The following C14orf93 variants were observed in gnomAD, a reference collection of about 807,000 sequenced individuals.
C14orf93 encodes the protein uncharacterized protein C14orf93.
Under a neutral mutation model 44.0 loss-of-function variants are expected in C14orf93, and 23 were observed. The observed-to-expected ratio is 0.52, with a 90% CI of 0.38 to 0.74. The LOEUF (loss-of-function observed/expected upper bound fraction) is 0.74, where lower values mean the gene tolerates loss of function less well. Ranked by LOEUF, C14orf93 falls within the 30% of genes least tolerant of loss-of-function variation. C14orf93 has a pLI of 0.00. For missense variants in C14orf93, 579 were observed against 678.9 expected (o/e 0.85, Z 1.64); for synonymous variants, 253 against 265.7 (o/e 0.95, Z 0.46).
intron 3 of C14orf93, among the ~76,000 whole-genome samples, chr14:22,990,850 G>A (rs1298304419): frequency 4.2e-5 from 6 of 141,582 alleles, no homozygotes; most frequent in Non-Finnish European, 7.6e-5. Context: ...ACGGAGTCTC[G>A]TTATGTCGCC....
At chr14:23,001,524 G>A (rs900187453) in intron 1 of C14orf93, among the ~76,000 whole-genome samples, 14 of 152,154 alleles carry the variant, frequency 9.2e-5, no homozygotes, top group Non-Finnish European at 1.2e-4. Context: ...GAGTGCAATG[G>A]CAAGATCTCG....
chr14:23,009,998 T>G (rs2046797081), intron 1 of C14orf93, 103 bp downstream of exon 1: 1 of 152,080 alleles, frequency 6.6e-6, no homozygotes, highest in East Asian at 1.9e-4. Flanking sequence ...CAAATTCCCC[T>G]TAGCAACAGT....
chr14:22,995,990 A>G lies in C14orf93; in HGVS notation c.876T>C (p.Ser292=). 1 of 1,609,876 alleles carries G rather than the reference A, an allele frequency of 6.2e-7. No homozygotes were observed. Among genetic ancestry groups the G allele is most frequent in the Non-Finnish European group, 8.5e-7 (1 of 1,177,274 alleles). The change falls in exon 3 of 7, where the codon AGT becomes AGC. Residue 292 remains serine (S), a synonymous_variant. Transcript: ENST00000299088. Reference sequence around the variant, plus strand: ...GCTTGCGCCTGGAGTTCTTCTGCCCACTTCCTCTGGTCCTGCATGGGGAAA... The same window carrying G: ...GCTTGCGCCTGGAGTTCTTCTGCCCGCTTCCTCTGGTCCTGCATGGGGAAA... The part of the protein sequence containing the change: ...LTVSPCRTRG[S]GQKNSRRKRD...
At chr14:23,003,747 G>A (rs1293725585) in intron 1 of C14orf93, among the ~76,000 whole-genome samples, 1 of 149,036 alleles carries the variant, frequency 6.7e-6, no homozygotes, top group Non-Finnish European at 1.5e-5. Flanking sequence ...GTTGCAGTGA[G>A]CCAAGATCAC....
intron 1 of C14orf93, among the ~76,000 whole-genome samples, chr14:23,008,362 G>A (rs2046740039): frequency 6.6e-6 from 1 of 152,118 alleles, no homozygotes; most frequent in Non-Finnish European, 1.5e-5. Context: ...AGCCCAAACA[G>A]GGCCACTTTT....
At chr14:23,000,387 C>A (rs562718443) in intron 1 of C14orf93, among the ~76,000 whole-genome samples, 87 of 152,252 alleles carry the variant, frequency 5.7e-4, no homozygotes, top group African/African-American at 2.1e-3. Flanking sequence ...AGATGCATTT[C>A]TCTCTTACCC....
chr14:22,995,846 A>T, intron 3 of C14orf93, 102 bp downstream of exon 3: 1 of 1,130,582 alleles, frequency 8.8e-7, no homozygotes, highest in Non-Finnish European at 1.2e-6. Flanking sequence ...AGGATTCAGT[A>T]CAGCATTCAT....
intron 3 of C14orf93, among the ~76,000 whole-genome samples, chr14:22,994,931 G>A (rs73596459): frequency 0.01 from 1,533 of 152,000 alleles, 23 homozygotes; most frequent in African/African-American, 0.035. Flanking sequence ...CCCTGCCCCC[G>A]GCCACCCACC....
In C14orf93 at chr14:23,000,358, T is replaced by C. The variant is rs146321706; in HGVS notation, c.-379-956A>G. 2.4e-3 allele frequency among the ~76,000 whole-genome samples: 367 copies of C among 152,312 alleles called. 1 individual carries two copies. The highest frequency in any genetic ancestry group is 8.4e-3 in the African/African-American group (349 of 41,560). On this transcript the variant is annotated intron_variant, in intron 1 of 6. Coordinates refer to ENST00000299088, the MANE Select transcript of C14orf93 (RefSeq NM_021944.4). ...ATGTGCCATGTCAAAACCTTAAGTA[T>C]GTTTACAATTTCTCTGAGAGATGCA...
rs946762092 is a variant in C14orf93 at position 22,990,249 on chromosome 14, C to T, written c.919-122G>A. ...CTCTCTGCCTGAATCCTTTCTAAGC[C>T]AAGAGCCTATCCAAGTTACTATTTC... On this transcript the variant is annotated intron_variant, in intron 3 of 6. Coordinates refer to ENST00000299088, the MANE Select transcript of C14orf93 (RefSeq NM_021944.4). 2.0e-5 allele frequency: 15 copies of T among 754,044 alleles called. No homozygotes were observed. The African/African-American group carries it at 2.1e-4, about 11-fold the overall frequency. The allele number at this position is 754,044 out of a possible 1,614,324, so 46.7% of individuals were successfully genotyped here. A position where few individuals can be genotyped will look rare whatever the true frequency, so the allele number is the denominator to read the frequency against.
Position 23,002,340 on chromosome 14 carries a change from T to C in C14orf93, c.-379-2938A>G, listed in dbSNP as rs377753309. On this transcript the variant is annotated intron_variant, in intron 1 of 6. Transcript: ENST00000299088. ...GGTGATACTTGTCTGTAATCCCAGC[T>C]ACTCAGGAGGCTGAGGGAGAAGAAT... is the stretch of plus-strand genomic sequence containing the variant. 6.0e-5 allele frequency among the ~76,000 whole-genome samples: 9 copies of C among 150,410 alleles called. 1 individual carries two copies. Among genetic ancestry groups the C allele is most frequent in the Admixed American group, 6.7e-5 (1 of 14,956 alleles).
At chr14:23,005,652 G>A (rs2046587419) in intron 1 of C14orf93, 1 of 152,158 alleles carries the variant, frequency 6.6e-6, no homozygotes, top group African/African-American at 2.4e-5. Flanking sequence ...GACAGTAGAT[G>A]TCACACTTAG....
At chr14:22,994,349 C>T (rs2045842362) in intron 3 of C14orf93, among the ~76,000 whole-genome samples, 1 of 152,050 alleles carries the variant, frequency 6.6e-6, no homozygotes, top group Non-Finnish European at 1.5e-5. Context: ...CCCATCTCTA[C>T]TAAAATACAA....
At chr14:23,000,963 C>T (rs1018993081) in intron 1 of C14orf93, 6 of 152,150 alleles carry the variant, frequency 3.9e-5, no homozygotes, top group Admixed American at 2.0e-4. Context: ...ACTTACTTCT[C>T]GCAAAAGCTT....
At chr14:23,000,495 C>T (rs1481562879) in intron 1 of C14orf93, among the ~76,000 whole-genome samples, 1 of 152,066 alleles carries the variant, frequency 6.6e-6, no homozygotes, top group Non-Finnish European at 1.5e-5. Flanking sequence ...GTGGGCCGAT[C>T]ACCTGAGGTC....
chr14:22,987,807 T>C lies in C14orf93; in HGVS notation c.1197+96A>G. The C allele has an allele frequency of 2.4e-6, 3 of 1,243,894 alleles. No homozygotes were observed. Among genetic ancestry groups the C allele is most frequent in the Non-Finnish European group, 2.3e-6 (2 of 877,066 alleles). 77.1% of individuals were successfully genotyped at this position (1,243,894 alleles called of 1,614,324 possible). A position where few individuals can be genotyped will look rare whatever the true frequency, so the allele number is the denominator to read the frequency against. On this transcript the variant is annotated intron_variant, in intron 6 of 6. Coordinates refer to ENST00000299088, the MANE Select transcript of C14orf93 (RefSeq NM_021944.4). This position sits in a 1 kb window ranked among gnomAD's most constrained non-coding sequence, Gnocchi z 5.6. ...TTCTCTATCTTCCTACATTCCTGGC[T>C]CTCAACCCTATTCTCATATGCCATG...
intron 1 of C14orf93, among the ~76,000 whole-genome samples, chr14:23,004,008 C>G (rs1351539616): frequency 7.4e-6 from 1 of 134,400 alleles, no homozygotes; most frequent in Non-Finnish European, 1.6e-5. Context: ...CTCCCAGGTT[C>G]AAGCAATTCT....
In C14orf93 at chr14:22,987,371, G is replaced by A. The variant is rs1760687887; in HGVS notation, c.1461C>T (p.Leu487=). 6.2e-7 allele frequency: 1 copy of A among 1,614,120 alleles called. No homozygotes were observed. Among genetic ancestry groups the A allele is most frequent in the South Asian group, 1.1e-5 (1 of 91,094 alleles). The part of the protein sequence containing the change: ...SDRLPSAEAQ[L]LPPELYNPNF... Reference sequence around the variant, plus strand: ...TAGGATTGTAAAGTTCTGGTGGAAGGAGCTGGGCTTCAGCAGAAGGCAGTC... The same window carrying A: ...TAGGATTGTAAAGTTCTGGTGGAAGAAGCTGGGCTTCAGCAGAAGGCAGTC... Residue 487 remains leucine (L), a synonymous_variant, in exon 7 of 7, where the codon CTC becomes CTT. Transcript: ENST00000299088. This position sits in a 1 kb window ranked among gnomAD's most constrained non-coding sequence, Gnocchi z 5.6.
chr14:22,990,397 C>T (rs2045525821), intron 3 of C14orf93, among the ~76,000 whole-genome samples: 1 of 152,136 alleles, frequency 6.6e-6, no homozygotes, highest in South Asian at 2.1e-4. Context: ...TTTCCATGAA[C>T]ATACCCCTGA....
Sources: allele counts gnomAD v4.1 joint callset (sites outside exome capture counted in the v4.1 genomes callset), GRCh38; gene constraint gnomAD v4.1.1; non-coding constraint Gnocchi (gnomAD v3.1); transcripts MANE v1.5; gene names NCBI Gene and HGNC (gene_info 2026-07-23, HGNC 2026-07-21).